The following CDH23 variants were observed in gnomAD, a reference collection of about 807,000 sequenced individuals.
The protein encoded by CDH23 is cadherin-23.
Under a neutral mutation model 317.1 loss-of-function variants are expected in CDH23, and 189 were observed. That is an observed-to-expected ratio of 0.60 (90% CI 0.53 to 0.67). The LOEUF is 0.67. Ranked by LOEUF, CDH23 falls within the 30% of genes least tolerant of loss-of-function variation. The pLI, the probability that CDH23 is intolerant of heterozygous loss-of-function variation, is 0.00. For synonymous variants in CDH23, 1,839 were observed against 1,876.8 expected (o/e 0.98, Z 0.52); for missense variants, 4,401 against 4,592.4 (o/e 0.96, Z 1.20).
At chr10:71,506,073 A>G (rs1365518114) in intron 3 of CDH23, among the ~76,000 whole-genome samples, 1 of 152,268 alleles carries the variant, frequency 6.6e-6, no homozygotes, top group Non-Finnish European at 1.5e-5. Context: ...TGAAGTACTG[A>G]TACATGCTAC....
intron 1 of CDH23, among the ~76,000 whole-genome samples, chr10:71,404,046 C>T (rs976165139): frequency 1.3e-5 from 2 of 152,154 alleles, no homozygotes; most frequent in East Asian, 1.9e-4. Context: ...GAGCCGAGAT[C>T]GTGCCACTGC....
chr10:71,427,974 A>G (rs993522938), intron 1 of CDH23, among the ~76,000 whole-genome samples: 1 of 151,610 alleles, frequency 6.6e-6, no homozygotes, highest in Non-Finnish European at 1.5e-5. Context: ...TGGCCTCCCA[A>G]AGTGCTGGAA....
intron 18 of CDH23, among the ~76,000 whole-genome samples, chr10:71,684,584 G>T (rs982968110): frequency 1.3e-5 from 2 of 152,212 alleles, no homozygotes; most frequent in African/African-American, 2.4e-5. Flanking sequence ...CAAAATGGTG[G>T]TAATCGTGAT....
intron 10 of CDH23, among the ~76,000 whole-genome samples, chr10:71,616,363 C>A (rs1861191581): frequency 6.6e-6 from 1 of 152,208 alleles, no homozygotes; most frequent in African/African-American, 2.4e-5. Flanking sequence ...AATTGCTGTC[C>A]TTGACCTTGG....
chr10:71,432,435 G>T (rs951373037), intron 1 of CDH23, among the ~76,000 whole-genome samples: 7 of 151,222 alleles, frequency 4.6e-5, no homozygotes, highest in Non-Finnish European at 5.9e-5. Flanking sequence ...GTGAGTGTGT[G>T]TTTGAGAGCG....
intron 50 of CDH23, 119 bp from the exon 51 acceptor site, chr10:71,798,992 C>A: frequency 1.0e-6 from 1 of 952,628 alleles, no homozygotes; most frequent in Non-Finnish European, 1.6e-6. Context: ...TGCTGCCTGA[C>A]CACCCTCCTT....
chr10:71,659,960 G>GTTTTTT (rs5786047), intron 14 of CDH23, among the ~76,000 whole-genome samples: 5 of 119,530 alleles, frequency 4.2e-5, no homozygotes, highest in Non-Finnish European at 5.0e-5. Flanking sequence ...CTTTCTTTCC[G>GTTTTTT]TTTTTTTTTT....
At chr10:71,719,146 G>A (rs941672310) in intron 28 of CDH23, among the ~76,000 whole-genome samples, 1 of 152,072 alleles carries the variant, frequency 6.6e-6, no homozygotes, top group Non-Finnish European at 1.5e-5. Context: ...CTGTGGCAAC[G>A]AGAGATTCCT....
At chr10:71,687,089 C>G (rs1864934785) in intron 18 of CDH23, among the ~76,000 whole-genome samples, 1 of 152,148 alleles carries the variant, frequency 6.6e-6, no homozygotes, top group Non-Finnish European at 1.5e-5. Context: ...GCTGGAAGAG[C>G]CGTTGTTCTC....
At chr10:71,505,321 G>A (rs760289512) in intron 3 of CDH23, among the ~76,000 whole-genome samples, 1 of 152,188 alleles carries the variant, frequency 6.6e-6, no homozygotes, top group Non-Finnish European at 1.5e-5. Flanking sequence ...AGAAAGGAAG[G>A]ATTCCAAATT....
At chr10:71,497,358 C>G (rs927657725) in intron 3 of CDH23, among the ~76,000 whole-genome samples, 3 of 152,184 alleles carry the variant, frequency 2.0e-5, no homozygotes, top group African/African-American at 7.2e-5. Context: ...AATCTGGTAA[C>G]TACCTCTTGG....
intron 53 of CDH23, among the ~76,000 whole-genome samples, chr10:71,801,138 GTCTC>G (rs200089490): frequency 4.0e-4 from 55 of 137,140 alleles, no homozygotes; most frequent in Non-Finnish European, 7.1e-4. Context: ...CTTTATTTAT[GTCTC>G]TCTCTCTCTT....
intron 14 of CDH23, among the ~76,000 whole-genome samples, chr10:71,650,991 G>A (rs146002120): frequency 2.0e-5 from 3 of 152,332 alleles, no homozygotes; most frequent in Non-Finnish European, 4.4e-5. Context: ...CTGTGTGCTA[G>A]GCACATGGCC....
intron 17 of CDH23, 58 bp downstream of exon 17, chr10:71,679,550 A>T (rs534275544): frequency 7.8e-7 from 1 of 1,287,800 alleles, no homozygotes; most frequent in East Asian, 2.5e-5. Flanking sequence ...GGCTCTCTGC[A>T]CTCACACCTC....
intron 11 of CDH23, among the ~76,000 whole-genome samples, chr10:71,642,480 C>A (rs936880943): frequency 1.3e-4 from 19 of 145,270 alleles, no homozygotes; most frequent in Non-Finnish European, 2.6e-4. Context: ...CTCACTCCAA[C>A]CTCCGCCTCC....
At chr10:71,668,906 C>G (rs963425307) in intron 14 of CDH23, among the ~76,000 whole-genome samples, 3 of 152,198 alleles carry the variant, frequency 2.0e-5, no homozygotes, top group African/African-American at 7.2e-5. Context: ...CCGGCATTGT[C>G]CATCACAGAA....
chr10:71,421,827 C>CGTGTGT (rs138169723), intron 1 of CDH23, among the ~76,000 whole-genome samples: 12 of 148,232 alleles, frequency 8.1e-5, no homozygotes, highest in East Asian at 2.0e-4. Flanking sequence ...TGTGAGGAAG[C>CGTGTGT]GTGTGTGTGT....
At chr10:71,403,454 T>TTCCCTTCC (rs1227991708) in intron 1 of CDH23, among the ~76,000 whole-genome samples, 21 of 35,252 alleles carry the variant, frequency 6.0e-4, no homozygotes, top group South Asian at 1.3e-3. Context: ...CCTTCCTTCC[T>TTCCCTTCC]TTCCTTCCTT....
chr10:71,578,896 T>C (rs1201187420), intron 9 of CDH23, among the ~76,000 whole-genome samples: 1 of 152,144 alleles, frequency 6.6e-6, no homozygotes, highest in East Asian at 1.9e-4. Context: ...GGAGTGGCAT[T>C]GTTGGAGTAG....
Sources: allele counts gnomAD v4.1 joint callset (sites outside exome capture counted in the v4.1 genomes callset), GRCh38; gene constraint gnomAD v4.1.1; transcripts MANE v1.5; gene names NCBI Gene and HGNC (gene_info 2026-07-23, HGNC 2026-07-21).